The following TBX15 variants were observed in gnomAD, a reference collection of about 807,000 sequenced individuals.
TBX15 encodes the protein T-box transcription factor 15, also known as T-box transcription factor TBX15.
Under a neutral mutation model 53.9 loss-of-function variants are expected in TBX15, and 18 were observed. That is an observed-to-expected ratio of 0.33 (90% CI 0.23 to 0.49). The LOEUF is 0.49. TBX15 is among the 20% of genes least tolerant of loss of function. TBX15 has a pLI of 0.98. For synonymous variants in TBX15, 295 were observed against 278.0 expected (o/e 1.06, Z -0.61); for missense variants, 692 against 749.5 (o/e 0.92, Z 0.90).
intron 6 of TBX15, among the ~76,000 whole-genome samples, chr1:118,902,637 T>C (rs572359034): frequency 6.6e-6 from 1 of 152,310 alleles, no homozygotes; most frequent in South Asian, 2.1e-4. Context: ...CTGATTGCGA[T>C]TGTGCCTTTA....
At chr1:118,949,801 G>A (rs1434972404) in intron 1 of TBX15, among the ~76,000 whole-genome samples, 2 of 152,256 alleles carry the variant, frequency 1.3e-5, no homozygotes, top group East Asian at 1.9e-4. Flanking sequence ...AGAACTGGGA[G>A]AAAATGGGAG....
chr1:118,910,469 G>T (rs1469187902), intron 6 of TBX15, among the ~76,000 whole-genome samples: 1 of 152,110 alleles, frequency 6.6e-6, no homozygotes, highest in Non-Finnish European at 1.5e-5. Flanking sequence ...GGTGCTTGAT[G>T]GAAGGTGGTG....
intron 1 of TBX15, 52 bp from the exon 2 acceptor site, chr1:118,931,884 C>A (rs2101614324): frequency 1.3e-6 from 2 of 1,524,612 alleles, no homozygotes; most frequent in South Asian, 2.4e-5. Flanking sequence ...GCTCCCCTCA[C>A]CCATGGCCCT....
At chr1:118,974,343 TG>T (rs1223300535) in intron 1 of TBX15, among the ~76,000 whole-genome samples, 2 of 152,222 alleles carry the variant, frequency 1.3e-5, no homozygotes, top group Non-Finnish European at 2.9e-5. Flanking sequence ...TTCTCTTTTT[TG>T]CTTCTGAAAG....
At chr1:118,941,452 G>C (rs568508833) in intron 1 of TBX15, among the ~76,000 whole-genome samples, 1 of 152,298 alleles carries the variant, frequency 6.6e-6, no homozygotes, top group South Asian at 2.1e-4. Flanking sequence ...AGCCAGGAAT[G>C]CCCTTCAAAT....
At chr1:118,980,853 G>A (rs534719281) in intron 1 of TBX15, among the ~76,000 whole-genome samples, 83 of 150,938 alleles carry the variant, frequency 5.5e-4, no homozygotes, top group African/African-American at 2.0e-3. Context: ...TCTTTTTTGA[G>A]ACGGAGTCTT....
chr1:118,920,092 G>A (rs1391959071), intron 5 of TBX15, among the ~76,000 whole-genome samples: 11 of 152,158 alleles, frequency 7.2e-5, no homozygotes, highest in Admixed American at 1.3e-4. Context: ...AGTACAGTCC[G>A]TCAATTGCAG....
intron 1 of TBX15, among the ~76,000 whole-genome samples, chr1:118,950,902 C>T (rs1656493746): frequency 6.6e-6 from 1 of 152,154 alleles, no homozygotes; most frequent in Non-Finnish European, 1.5e-5. Flanking sequence ...GGTTCCTTAC[C>T]AAATGAGGCA....
chr1:118,913,835 C>T (rs1330467221), intron 6 of TBX15, among the ~76,000 whole-genome samples: 1 of 152,164 alleles, frequency 6.6e-6, no homozygotes, highest in Admixed American at 6.5e-5. Context: ...AAATGGCAAT[C>T]TTTTAATGAT....
chr1:118,920,367 G>C (rs1257887854), intron 5 of TBX15, among the ~76,000 whole-genome samples: 1 of 152,094 alleles, frequency 6.6e-6, no homozygotes, highest in Non-Finnish European at 1.5e-5. Context: ...TTGAAGAGTA[G>C]AAGGAATCAA....
intron 1 of TBX15, among the ~76,000 whole-genome samples, chr1:118,933,302 TC>T (rs1655861327): frequency 6.6e-6 from 1 of 152,016 alleles, no homozygotes; most frequent in Admixed American, 6.6e-5. Flanking sequence ...TCTCCCTAAT[TC>T]CTCACCTGTC....
At chr1:118,929,874 T>C (rs1302963806) in intron 2 of TBX15, among the ~76,000 whole-genome samples, 1 of 152,088 alleles carries the variant, frequency 6.6e-6, no homozygotes, top group Non-Finnish European at 1.5e-5. Flanking sequence ...AAATGTAATA[T>C]TTCTTCTCTC....
intron 5 of TBX15, among the ~76,000 whole-genome samples, chr1:118,921,786 C>G (rs1267884439): frequency 6.6e-6 from 1 of 152,152 alleles, no homozygotes; most frequent in Non-Finnish European, 1.5e-5. Context: ...AAATTTTTTT[C>G]TCTTTACTAT....
Position 118,899,260 on chromosome 1 carries a change from C to T in TBX15, c.927-135G>A, listed in dbSNP as rs1011272330. 64 of 830,650 alleles carry T rather than the reference C, an allele frequency of 7.7e-5. No individual in the cohort carries two copies. In the African/African-American group the frequency reaches 9.1e-4, roughly 12 times the overall value. The allele number at this position is 830,650 out of a possible 1,614,324, so 51.5% of individuals were successfully genotyped here. A position where few individuals can be genotyped will look rare whatever the true frequency, so the allele number is the denominator to read the frequency against. On this transcript the variant is annotated intron_variant, in intron 6 of 7. Transcript: ENST00000369429. ...TAAGCTACCACCATCAAGGTAAATTCGGGTGAAAAAACTCAAGGTACAATG... is the reference window on the plus strand; with the variant it reads ...TAAGCTACCACCATCAAGGTAAATTTGGGTGAAAAAACTCAAGGTACAATG...
intron 1 of TBX15, among the ~76,000 whole-genome samples, chr1:118,936,198 A>G (rs913324837): frequency 2.6e-5 from 4 of 152,160 alleles, no homozygotes; most frequent in African/African-American, 9.7e-5. Context: ...TGAATGTCTA[A>G]TGGGTGGATT....
intron 1 of TBX15, among the ~76,000 whole-genome samples, chr1:118,936,571 G>A (rs1040110295): frequency 6.6e-6 from 1 of 152,106 alleles, no homozygotes; most frequent in East Asian, 1.9e-4. Flanking sequence ...ATATATTTAT[G>A]ATAAAGCATA....
intron 1 of TBX15, among the ~76,000 whole-genome samples, chr1:118,942,731 G>A (rs1431446074): frequency 1.3e-5 from 2 of 152,172 alleles, no homozygotes; most frequent in Admixed American, 6.5e-5. Flanking sequence ...GAAGCAGTCA[G>A]TCAAACACCT....
In TBX15 at chr1:118,883,378, G is replaced by T. The variant is rs1653791653; in HGVS notation, c.*1354C>A. 6.6e-6 allele frequency: 1 copy of T among 152,490 alleles called. No individual in the cohort carries two copies. Among genetic ancestry groups the T allele is most frequent in the Non-Finnish European group, 1.5e-5 (1 of 68,022 alleles). 9.4% of individuals were successfully genotyped at this position (152,490 alleles called of 1,614,324 possible). ...TTTGAAGGGAAAGGGAAAGATGAAG[G>T]ACAAAACCCAAAACTTCAAAATGCA... On this transcript the variant is annotated 3_prime_UTR_variant, in exon 8 of 8. Transcript: ENST00000369429.
chr1:118,909,713 G>A (rs1654967572), intron 6 of TBX15, among the ~76,000 whole-genome samples: 1 of 152,194 alleles, frequency 6.6e-6, no homozygotes, highest in Non-Finnish European at 1.5e-5. Flanking sequence ...GCCCCCAGTA[G>A]CTGGGATTAC....
Sources: gnomAD v4.1 joint callset for allele counts (sites outside exome capture counted in the v4.1 genomes callset) on GRCh38, gnomAD v4.1.1 for gene constraint, MANE v1.5 for transcripts, NCBI Gene and HGNC (gene_info 2026-07-23, HGNC 2026-07-21) for gene names.